SLC13A5: variants seen among roughly 807,000 people sequenced by gnomAD.
The protein encoded by SLC13A5 is Na(+)/citrate cotransporter.
SLC13A5 carries 25 observed loss-of-function variants against 56.5 expected under a neutral mutation model. That is an observed-to-expected ratio of 0.44 (90% CI 0.32 to 0.62). SLC13A5 has a LOEUF of 0.62. Among genes scored for constraint, SLC13A5 ranks in the 20% least tolerant of loss-of-function variants. The pLI is 0.04. For synonymous variants in SLC13A5, 307 were observed against 301.5 expected, an observed-to-expected ratio of 1.02 and a Z score of -0.19; for missense variants, 649 against 737.8, an observed-to-expected ratio of 0.88 and a Z score of 1.39.
At chr17:6,699,188 T>C (rs1973645469) in intron 6 of SLC13A5, among the ~76,000 whole-genome samples, 1 of 152,188 alleles carries the variant, frequency 6.6e-6, no homozygotes, top group South Asian at 2.1e-4. Flanking sequence ...TTATTCCTGT[T>C]GCCCCATGAG....
intron 11 of SLC13A5, chr17:6,686,774 C>A: frequency 5.6e-6 from 1 of 178,062 alleles, no homozygotes; most frequent in African/African-American, 2.3e-5. Context: ...TGGTCACTAA[C>A]CATCGCTTCA....
chr17:6,703,817 G>A, intron 4 of SLC13A5, 61 bp downstream of exon 4: 2 of 1,472,606 alleles, frequency 1.4e-6, no homozygotes, highest in Middle Eastern at 2.0e-4. Context: ...CAAAGCATTT[G>A]CCAGCAGAGG....
In SLC13A5 at chr17:6,706,604, T is replaced by C. The variant is rs1344943223; in HGVS notation, c.368+38A>G. On this transcript the variant is annotated intron_variant, in intron 3 of 11. Transcript: ENST00000433363. ...CACCCCCTTCCAGCCCTGGGGCTCA[T>C]GCAGAGCCACGTGGCAAGAGAGAGA... The C allele has an allele frequency of 2.5e-6, 4 of 1,605,882 alleles. No homozygotes were observed. The South Asian group carries it at 3.3e-5, about 13-fold the overall frequency.
intron 5 of SLC13A5, among the ~76,000 whole-genome samples, chr17:6,702,256 G>A (rs552530769): frequency 6.6e-5 from 10 of 152,096 alleles, no homozygotes; most frequent in Non-Finnish European, 1.2e-4. Context: ...GTACATTTAT[G>A]TACCAGACAT....
At chr17:6,706,852 G>A (rs1567624890) in intron 2 of SLC13A5, 74 bp from the exon 3 acceptor site, 1 of 1,588,528 alleles carries the variant, frequency 6.3e-7, no homozygotes, top group Non-Finnish European at 8.6e-7. Flanking sequence ...CCCAGATGCT[G>A]ACTTCAGGGA....
intron 11 of SLC13A5, 146 bp from the exon 12 acceptor site, chr17:6,686,484 C>A (rs1052114353): frequency 4.3e-6 from 4 of 923,344 alleles, no homozygotes; most frequent in East Asian, 2.7e-5. Context: ...CAGGACAGTG[C>A]GACTTCATGT....
chr17:6,695,047 A>AT (rs897888849), intron 7 of SLC13A5, among the ~76,000 whole-genome samples: 2 of 152,168 alleles, frequency 1.3e-5, no homozygotes, highest in African/African-American at 2.4e-5. Context: ...AAGATGAGAA[A>AT]GGGAAGATGG....
Position 6,706,694 on chromosome 17 carries a change from G to T in SLC13A5, c.316C>A (p.His106Asn). Residue 106 changes from histidine (H) to asparagine (N), a missense_variant, in exon 3 of 12, where the codon CAC (histidine) becomes AAC (asparagine). Coordinates refer to ENST00000433363, the MANE Select transcript of SLC13A5 (RefSeq NM_177550.5). Reference sequence around the variant, plus strand: ...AGCGTGCGCAGGGCGATCCTCTTGTGCAGGTTCCAGCGCTCCACAGCCACG... The same window carrying T: ...AGCGTGCGCAGGGCGATCCTCTTGTTCAGGTTCCAGCGCTCCACAGCCACG... ...VAVAVERWNL[H>N]KRIALRTLLW... The T allele has an allele frequency of 6.2e-7, 1 of 1,613,972 alleles. No homozygotes were observed. Among genetic ancestry groups the T allele is most frequent in the Non-Finnish European group, 8.5e-7 (1 of 1,179,944 alleles).
chr17:6,690,699 G>T, intron 10 of SLC13A5, 80 bp downstream of exon 10: 1 of 1,590,200 alleles, frequency 6.3e-7, no homozygotes, highest in African/African-American at 1.3e-5. Context: ...CCTGGACATT[G>T]CTGCCTCGTC....
Position 6,685,977 on chromosome 17 carries a change from G to A in SLC13A5, c.*230C>T. ...GCAAGGCTTGGGAAAGATGGGTCCA[G>A]CAGCCCACTGAGGGGTTCCCTTCAT... On this transcript the variant is annotated 3_prime_UTR_variant, in exon 12 of 12. Coordinates refer to ENST00000433363, the MANE Select transcript of SLC13A5 (RefSeq NM_177550.5). This position sits in a 1 kb window ranked among gnomAD's most constrained non-coding sequence, Gnocchi z 4.2. 1 of 583,538 alleles carries A rather than the reference G, an allele frequency of 1.7e-6. No individual in the cohort carries two copies. Among genetic ancestry groups the A allele is most frequent in the Non-Finnish European group, 3.0e-6 (1 of 332,756 alleles). The allele number at this position is 583,538 out of a possible 1,614,324, so 36.1% of individuals were successfully genotyped here.
chr17:6,694,618 T>TA (rs935814313), intron 7 of SLC13A5, among the ~76,000 whole-genome samples: 21 of 151,786 alleles, frequency 1.4e-4, no homozygotes, highest in Middle Eastern at 3.4e-3. Context: ...CTCAAAAAAA[T>TA]AAAAAAATAA....
chr17:6,695,932 C>T lies in SLC13A5; in HGVS notation c.849G>A (p.Lys283=), dbSNP rs141681787. 6.2e-7 allele frequency: 1 copy of T among 1,613,662 alleles called. No individual in the cohort carries two copies. The highest frequency in any genetic ancestry group is 1.3e-5 in the African/African-American group (1 of 74,900). ...TGCTCTCTAGCCCGCAGCCCCAGGA[C>T]TTTTTAAAACTGGAGAATGCAAAGA... The part of the protein sequence containing the change: ...QFVYMRFNFK[K]SWGCGLESKK... Residue 283 remains lysine (K), a synonymous_variant, in exon 7 of 12, where the codon AAG becomes AAA. Transcript: ENST00000433363.
chr17:6,702,300 C>G (rs1044793835), intron 5 of SLC13A5, among the ~76,000 whole-genome samples: 7 of 152,212 alleles, frequency 4.6e-5, no homozygotes, highest in African/African-American at 1.7e-4. Flanking sequence ...CCACCCTCAA[C>G]AGACCATGAC....
rs1363579269 is a variant in SLC13A5, at chr17:6,686,190, T to C, written c.*17A>G. 3 of 1,613,934 alleles carry C rather than the reference T, an allele frequency of 1.9e-6. No homozygotes were observed. Among genetic ancestry groups the C allele is most frequent in the South Asian group, 1.1e-5 (1 of 91,086 alleles). On this transcript the variant is annotated 3_prime_UTR_variant, in exon 12 of 12. Coordinates refer to ENST00000433363, the MANE Select transcript of SLC13A5 (RefSeq NM_177550.5). ...CTGAGGAGGGTAAGGGCTGTGTGTG[T>C]GGTCTTGTGGCTCTTCCTAAGTCTC...
Position 6,704,067 on chromosome 17 carries a change from G to A in SLC13A5, c.369-11C>T. On this transcript the variant is annotated splice_polypyrimidine_tract_variant and intron_variant, in intron 3 of 11. Coordinates refer to ENST00000433363, the MANE Select transcript of SLC13A5 (RefSeq NM_177550.5). The stretch of plus-strand genomic sequence containing the variant: ...AAGCCCAGCATCAGCCTGCAGAGGA[G>A]GGGCAGGGAGGAAAGCCAGAGAATC... 2 of 1,606,000 alleles carry A rather than the reference G, an allele frequency of 1.2e-6. No homozygotes were observed. Among genetic ancestry groups the A allele is most frequent in the Non-Finnish European group, 1.7e-6 (2 of 1,176,816 alleles).
intron 6 of SLC13A5, among the ~76,000 whole-genome samples, chr17:6,700,017 C>T (rs1160767388): frequency 1.3e-5 from 2 of 152,192 alleles, no homozygotes; most frequent in Admixed American, 1.3e-4. Flanking sequence ...GGCACTTTTG[C>T]CTCTGAGCTC....
intron 1 of SLC13A5, 40 bp from the exon 2 acceptor site, chr17:6,707,196 C>A (rs1349272119): frequency 6.2e-6 from 10 of 1,609,456 alleles, no homozygotes; most frequent in Non-Finnish European, 6.8e-6. Flanking sequence ...GTTGCCGCCT[C>A]CCTCTCCCCA....
chr17:6,686,269 G>A lies in SLC13A5; in HGVS notation c.1645C>T (p.Arg549Trp), dbSNP rs770090939. Residue 549 changes from arginine (R) to tryptophan (W), a missense_variant, in exon 12 of 12, where the codon CGG (arginine) becomes TGG (tryptophan). By Grantham distance (101) the Arg-to-Trp change is moderately radical. Coordinates refer to ENST00000433363, the MANE Select transcript of SLC13A5 (RefSeq NM_177550.5). ...AAATGATCCAAGTCAAATATGGCCC[G>A]TCCCCAGGTGTTGACAGCCAAAAAC... ...CVFLAVNTWG[R>W]AIFDLDHFPD... 61 of 1,614,098 alleles carry A rather than the reference G, an allele frequency of 3.8e-5. No individual in the cohort carries two copies. Among genetic ancestry groups the A allele is most frequent in the Middle Eastern group, 1.6e-4 (1 of 6,062 alleles).
Position 6,707,111 on chromosome 17 carries a change from A to T in SLC13A5, c.148T>A (p.Cys50Ser). ...YVIILMAIYWCTEVIPLAVTS... is the reference protein window; with the variant it reads ...YVIILMAIYWSTEVIPLAVTS... ...ACAGCCAGAGGGATGACTTCTGTGC[A>T]CCAGTAAATGGCCATGAGGATGATG... The change falls in exon 2 of 12, where the codon TGC becomes AGC. Residue 50 changes from cysteine to serine, a missense_variant. Transcript: ENST00000433363. 2 of 1,614,092 alleles carry T rather than the reference A, an allele frequency of 1.2e-6. No individual in the cohort carries two copies. The highest frequency in any genetic ancestry group is 2.2e-5 in the South Asian group (2 of 91,080).
Sources: allele counts gnomAD v4.1 joint callset (sites outside exome capture counted in the v4.1 genomes callset), GRCh38; gene constraint gnomAD v4.1.1; non-coding constraint Gnocchi (gnomAD v3.1); transcripts MANE v1.5; gene names NCBI Gene and HGNC (gene_info 2026-07-23, HGNC 2026-07-21).